Variants in LIMCH1 observed in about 807,000 individuals in gnomAD.
LIMCH1 encodes LIM and calponin homology domains-containing protein 1.
A neutral mutation model predicts 176.5 loss-of-function variants in LIMCH1; 113 were observed. The ratio of observed to expected loss-of-function variants is 0.64; its 90% CI spans 0.55 to 0.75. LIMCH1 has a LOEUF of 0.75. Among genes scored for constraint, LIMCH1 ranks in the 30% least tolerant of loss-of-function variants. LIMCH1 has a pLI of 0.00. For missense variants in LIMCH1, 1,674 were observed against 1,814.9 expected (o/e 0.92, Z 1.41); for synonymous variants, 619 against 645.9 (o/e 0.96, Z 0.63).
At chr4:41,474,689 G>A (rs183038206) in intron 1 of LIMCH1, among the ~76,000 whole-genome samples, 20 of 152,310 alleles carry the variant, frequency 1.3e-4, no homozygotes, top group Admixed American at 6.5e-4. Flanking sequence ...CATTGGTGAG[G>A]ATCTGGAGAA....
At chr4:41,541,909 C>T (rs1013017733) in intron 1 of LIMCH1, among the ~76,000 whole-genome samples, 5 of 152,196 alleles carry the variant, frequency 3.3e-5, no homozygotes, top group Middle Eastern at 3.2e-3. Flanking sequence ...CCTGCAAATA[C>T]CATAAAGGAC....
At position 41,364,378 on chromosome 4, in the gene LIMCH1, T is replaced by TTG. The variant is rs1172293464; in HGVS notation, c.96+3443_96+3444insGT. On this transcript the variant is annotated intron_variant, in intron 1 of 26. Coordinates refer to the LIMCH1 transcript ENST00000313860. ...ATTACTACTACTGCTATTGCTATTGTTTTTTTCTGTTGTTAATAACAACTA... is the reference window on the plus strand; with the variant it reads ...ATTACTACTACTGCTATTGCTATTGTTGTTTTTTCTGTTGTTAATAACAACTA... 2.4e-4 allele frequency among the ~76,000 whole-genome samples: 10 copies of TTG among 41,776 alleles called. No individual in the cohort carries two copies. The African/African-American group carries it at 3.5e-3, about 14-fold the overall frequency. The allele number at this position is 41,776 out of a possible 152,430, so 27.4% of individuals were successfully genotyped here. A position where few individuals can be genotyped will look rare whatever the true frequency, so the allele number is the denominator to read the frequency against.
At chr4:41,522,064 C>G (rs191447828) in intron 2 of LIMCH1, among the ~76,000 whole-genome samples, 1 of 152,150 alleles carries the variant, frequency 6.6e-6, no homozygotes, top group Admixed American at 6.5e-5. Flanking sequence ...TGGGGTAGGA[C>G]ATTTTGTTAT....
intron 1 of LIMCH1, among the ~76,000 whole-genome samples, chr4:41,467,158 T>TAC (rs148147336): frequency 0.067 from 9,544 of 143,232 alleles, 404 homozygotes; most frequent in Admixed American, 0.13. Context: ...TATGTATATA[T>TAC]ACACACACAC....
At chr4:41,612,514 G>T in intron 4 of LIMCH1, 1 of 702,244 alleles carries the variant, frequency 1.4e-6, no homozygotes, top group South Asian at 1.5e-5. Context: ...ATCTTTGAGT[G>T]ACCAGAGTTA....
At chr4:41,560,421 A>G (rs1216669030) in intron 1 of LIMCH1, among the ~76,000 whole-genome samples, 1 of 152,206 alleles carries the variant, frequency 6.6e-6, no homozygotes, top group Non-Finnish European at 1.5e-5. Flanking sequence ...TTATATAAGC[A>G]TAAGGGCACA....
At chr4:41,380,368 A>T (rs191485715) in intron 1 of LIMCH1, among the ~76,000 whole-genome samples, 2 of 150,016 alleles carry the variant, frequency 1.3e-5, no homozygotes, top group African/African-American at 2.5e-5. Flanking sequence ...GCTGGCCTTG[A>T]TCTCCTCCTG....
intron 1 of LIMCH1, among the ~76,000 whole-genome samples, chr4:41,426,182 C>T (rs540804411): frequency 1.4e-4 from 21 of 151,474 alleles, no homozygotes; most frequent in Middle Eastern, 3.4e-3. Context: ...CCACTACGCC[C>T]GGCTAATTTT....
Position 41,671,595 on chromosome 4 carries a change from G to GT in LIMCH1, c.3438+2dup. On this transcript the variant is annotated splice_donor_variant, in intron 22 of 31. Coordinates refer to ENST00000503057, the MANE Select transcript of LIMCH1 (RefSeq NM_001330672.2). LOFTEE classifies it high-confidence loss of function. ...TGAGAAGTCACCTGTTATGACACCTGTAAGTCACTCATTTTAAGGAATAAG... is the reference window on the plus strand; with the variant it reads ...TGAGAAGTCACCTGTTATGACACCTGTTAAGTCACTCATTTTAAGGAATAAG... 6.3e-7 allele frequency: 1 copy of GT among 1,575,666 alleles called. No homozygotes were observed. Among genetic ancestry groups the GT allele is most frequent in the Non-Finnish European group, 8.7e-7 (1 of 1,145,494 alleles).
At chr4:41,408,640 A>G (rs1234167959) in intron 1 of LIMCH1, among the ~76,000 whole-genome samples, 2 of 152,244 alleles carry the variant, frequency 1.3e-5, no homozygotes, top group African/African-American at 2.4e-5. Context: ...TAGGGAGGTG[A>G]CAAGAAATAG....
chr4:41,418,441 AT>A, intron 1 of LIMCH1, among the ~76,000 whole-genome samples: 1 of 152,210 alleles, frequency 6.6e-6, no homozygotes. Context: ...GTACAGGACT[AT>A]AAAAAAGTCC....
At chr4:41,381,793 C>T (rs2055710543) in intron 1 of LIMCH1, among the ~76,000 whole-genome samples, 1 of 152,132 alleles carries the variant, frequency 6.6e-6, no homozygotes, top group African/African-American at 2.4e-5. Flanking sequence ...CAAGGCTATC[C>T]TAGATCAGCT....
chr4:41,558,657 T>TGA (rs1290909097), intron 1 of LIMCH1, among the ~76,000 whole-genome samples: 1 of 152,202 alleles, frequency 6.6e-6, no homozygotes, highest in African/African-American at 2.4e-5. Flanking sequence ...AGTGGGTTCC[T>TGA]GTGCCCATGG....
chr4:41,638,990 G>A (rs1473372863), intron 14 of LIMCH1, 23 bp downstream of exon 14: 21 of 1,553,732 alleles, frequency 1.4e-5, no homozygotes, highest in Non-Finnish European at 1.8e-5. Flanking sequence ...GTATTTGTAG[G>A]ATTACATTAA....
chr4:41,581,679 AC>A (rs2085463111), intron 1 of LIMCH1, among the ~76,000 whole-genome samples: 1 of 151,860 alleles, frequency 6.6e-6, no homozygotes, highest in Non-Finnish European at 1.5e-5. Context: ...GGTGGCATGC[AC>A]CTGTAGTCCC....
intron 2 of LIMCH1, among the ~76,000 whole-genome samples, chr4:41,502,288 C>A (rs1223019538): frequency 1.3e-5 from 2 of 152,180 alleles, no homozygotes; most frequent in Non-Finnish European, 2.9e-5. Flanking sequence ...ATCTGTACCA[C>A]ATTTTCTTTA....
At chr4:41,433,388 A>T (rs2061774060) in intron 1 of LIMCH1, among the ~76,000 whole-genome samples, 1 of 152,160 alleles carries the variant, frequency 6.6e-6, no homozygotes, top group Non-Finnish European at 1.5e-5. Context: ...ATGACTCCAA[A>T]CTTAGTGGCT....
chr4:41,683,792 T>G lies in LIMCH1; in HGVS notation c.3846-605T>G, dbSNP rs542828242. Reference sequence around the variant, plus strand: ...TCTTTAAAGGGACTTTTCAGTTTTATGCAATGAAAACCACTAGTCAGGAAG... The same window carrying G: ...TCTTTAAAGGGACTTTTCAGTTTTAGGCAATGAAAACCACTAGTCAGGAAG... On this transcript the variant is annotated intron_variant, in intron 26 of 31. Transcript: ENST00000503057. Among the ~76,000 whole-genome samples the G allele has an allele frequency of 3.3e-5, 5 of 152,368 alleles. No homozygotes were observed. In the South Asian group the frequency reaches 1.0e-3, roughly 32 times the overall value.
chr4:41,419,697 T>TTCCG (rs1561312770), intron 1 of LIMCH1, among the ~76,000 whole-genome samples: 4 of 88,406 alleles, frequency 4.5e-5, no homozygotes, highest in East Asian at 2.9e-4. Flanking sequence ...CCTTCCTTCC[T>TTCCG]TCCTTCCTTC....
Sources: allele counts gnomAD v4.1 joint callset (sites outside exome capture counted in the v4.1 genomes callset), GRCh38; gene constraint gnomAD v4.1.1; transcripts MANE v1.5; gene names NCBI Gene and HGNC (gene_info 2026-07-23, HGNC 2026-07-21).